PTPRD: variants seen among roughly 807,000 people sequenced by gnomAD.
The protein encoded by PTPRD is protein tyrosine phosphatase receptor type D, also known as receptor-type tyrosine-protein phosphatase delta.
A neutral mutation model predicts 214.5 loss-of-function variants in PTPRD; 34 were observed. The ratio of observed to expected loss-of-function variants is 0.16; its 90% CI spans 0.12 to 0.21. The LOEUF (loss-of-function observed/expected upper bound fraction) is 0.21, where lower values mean the gene tolerates loss of function less well. Ranked by LOEUF, PTPRD falls within the 10% of genes least tolerant of loss-of-function variation. PTPRD has a pLI of 1.00. For synonymous variants in PTPRD, 1,128 were observed against 845.7 expected (o/e 1.33, Z -5.79); for missense variants, 2,545 against 2,398.7 (o/e 1.06, Z -1.27).
At chr9:8,825,233 G>C (rs2097152346) in intron 11 of PTPRD, among the ~76,000 whole-genome samples, 1 of 152,152 alleles carries the variant, frequency 6.6e-6, no homozygotes, top group Admixed American at 6.5e-5. Context: ...TTTAGGCAAG[G>C]TATGTGGCCA....
At chr9:8,834,752 A>T (rs2097375657) in intron 11 of PTPRD, among the ~76,000 whole-genome samples, 1 of 152,228 alleles carries the variant, frequency 6.6e-6, no homozygotes, top group African/African-American at 2.4e-5. Context: ...CAAAACAATG[A>T]GCTGGAACAT....
intron 9 of PTPRD, among the ~76,000 whole-genome samples, chr9:9,188,065 C>T (rs1179828253): frequency 6.6e-6 from 1 of 152,060 alleles, no homozygotes; most frequent in Non-Finnish European, 1.5e-5. Flanking sequence ...CTCAAACTCA[C>T]TTTTTCCTCC....
intron 8 of PTPRD, among the ~76,000 whole-genome samples, chr9:9,463,639 A>T (rs1363937595): frequency 2.6e-5 from 4 of 151,872 alleles, no homozygotes; most frequent in African/African-American, 9.7e-5. Context: ...TTTTATTTTT[A>T]TTTTTTTTAA....
At chr9:9,870,456 G>C (rs888930274) in intron 5 of PTPRD, among the ~76,000 whole-genome samples, 3 of 151,808 alleles carry the variant, frequency 2.0e-5, no homozygotes, top group Non-Finnish European at 4.4e-5. Context: ...AAATAAATAA[G>C]TTGCCCATAC....
intron 12 of PTPRD, among the ~76,000 whole-genome samples, chr9:8,672,004 A>G (rs1415823551): frequency 1.3e-5 from 2 of 152,226 alleles, no homozygotes; most frequent in Admixed American, 6.5e-5. Flanking sequence ...CATGGGTACA[A>G]AATGTTTTCA....
intron 35 of PTPRD, among the ~76,000 whole-genome samples, chr9:8,424,186 A>G (rs1433969344): frequency 6.6e-6 from 1 of 152,190 alleles, no homozygotes; most frequent in Non-Finnish European, 1.5e-5. Flanking sequence ...ATTTGGGACA[A>G]TAATCCTTCC....
chr9:8,616,122 T>C (rs188411710), intron 14 of PTPRD, among the ~76,000 whole-genome samples: 211 of 152,266 alleles, frequency 1.4e-3, no homozygotes, highest in African/African-American at 4.9e-3. Flanking sequence ...GATCTACTAT[T>C]GACACATAAT....
chr9:9,347,336 C>A (rs568010075), intron 9 of PTPRD, among the ~76,000 whole-genome samples: 30 of 149,600 alleles, frequency 2.0e-4, no homozygotes, highest in South Asian at 1.7e-3. Flanking sequence ...ATATATATAT[C>A]TATATATCTA....
At chr9:10,384,230 T>C (rs2097872244) in intron 2 of PTPRD, among the ~76,000 whole-genome samples, 1 of 151,800 alleles carries the variant, frequency 6.6e-6, no homozygotes. Flanking sequence ...GGATATACTA[T>C]TTCACATGAT....
intron 9 of PTPRD, among the ~76,000 whole-genome samples, chr9:9,213,327 A>G (rs774818259): frequency 9.9e-5 from 15 of 152,196 alleles, no homozygotes; most frequent in Non-Finnish European, 1.8e-4. Context: ...TGGGGACAAC[A>G]GGAAAGGTTT....
chr9:9,702,595 C>G (rs542653729), intron 7 of PTPRD, among the ~76,000 whole-genome samples: 295 of 152,136 alleles, frequency 1.9e-3, no homozygotes, highest in Non-Finnish European at 3.5e-3. Flanking sequence ...TACTTTCAAG[C>G]CACTTTTTGA....
chr9:9,137,095 T>C (rs1190245495), intron 10 of PTPRD, among the ~76,000 whole-genome samples: 3 of 152,200 alleles, frequency 2.0e-5, no homozygotes, highest in Non-Finnish European at 1.5e-5. Context: ...TGTAATTTAT[T>C]GCTAATGGAA....
intron 10 of PTPRD, among the ~76,000 whole-genome samples, chr9:9,062,584 C>G (rs185696462): frequency 2.0e-5 from 3 of 148,506 alleles, no homozygotes; most frequent in Admixed American, 1.3e-4. Context: ...ATCTATCTAC[C>G]TACCTACCAT....
chr9:9,975,268 G>C (rs1283166887), intron 4 of PTPRD, among the ~76,000 whole-genome samples: 1 of 152,156 alleles, frequency 6.6e-6, no homozygotes, highest in Non-Finnish European at 1.5e-5. Context: ...TAAGCTTTAA[G>C]ACAAATCCTC....
intron 11 of PTPRD, among the ~76,000 whole-genome samples, chr9:8,932,710 A>AC (rs995590729): frequency 1.8e-4 from 28 of 151,654 alleles, no homozygotes; most frequent in African/African-American, 4.8e-4. Context: ...GTAAAGGTGG[A>AC]CCCCCCCTCC....
chr9:9,985,071 C>G (rs1049376894), intron 4 of PTPRD, among the ~76,000 whole-genome samples: 51 of 152,180 alleles, frequency 3.4e-4, no homozygotes, highest in African/African-American at 1.2e-3. Flanking sequence ...CATATACCCA[C>G]ATGCAAATAC....
At chr9:10,153,069 G>T (rs1040950658) in intron 3 of PTPRD, among the ~76,000 whole-genome samples, 2 of 152,088 alleles carry the variant, frequency 1.3e-5, no homozygotes, top group East Asian at 1.9e-4. Flanking sequence ...TTAGACAGAA[G>T]AAATAAGTTC....
intron 2 of PTPRD, among the ~76,000 whole-genome samples, chr9:10,442,170 T>A (rs1588256202): frequency 6.6e-6 from 1 of 151,782 alleles, no homozygotes; most frequent in East Asian, 1.9e-4. Context: ...ATGCAGAATT[T>A]GTTATTGATT....
chr9:10,024,616 T>A (rs1005131343), intron 4 of PTPRD, among the ~76,000 whole-genome samples: 2 of 152,054 alleles, frequency 1.3e-5, no homozygotes, highest in African/African-American at 4.8e-5. Context: ...AGAAATTTTA[T>A]GATTCTTTTT....
Sources: allele counts gnomAD v4.1 joint callset (sites outside exome capture counted in the v4.1 genomes callset), GRCh38; gene constraint gnomAD v4.1.1; transcripts MANE v1.5; gene names NCBI Gene and HGNC (gene_info 2026-07-23, HGNC 2026-07-21).